Variants in IL4I1 observed in about 807,000 individuals in gnomAD.
IL4I1 encodes L-amino-acid oxidase.
In IL4I1, 24 loss-of-function variants were observed where a neutral mutation model predicts 29.7. That is an observed-to-expected ratio of 0.81 (90% confidence interval 0.59 to 1.14). The LOEUF (loss-of-function observed/expected upper bound fraction) is 1.14. IL4I1 is among the 50% of genes most tolerant of loss of function. The pLI, the probability that IL4I1 is intolerant of heterozygous loss-of-function variation, is 0.00. For synonymous variants in IL4I1, 371 were observed against 352.5 expected, an observed-to-expected ratio of 1.05 and a Z score of -0.59; for missense variants, 686 against 785.6, an observed-to-expected ratio of 0.87 and a Z score of 1.52.
chr19:49,922,082 A>C (rs1053536201), intron 2 of IL4I1, among the ~76,000 whole-genome samples: 3 of 152,162 alleles, frequency 2.0e-5, no homozygotes, highest in Non-Finnish European at 4.4e-5. Flanking sequence ...AGAAACGACC[A>C]AACACCCCTC....
At position 49,895,061 on chromosome 19, in the gene IL4I1, A is replaced by G. The variant is rs1434512770; in HGVS notation, c.365+7T>C. ...TAGGCACACAGGTGGGTGGGTTGCT[A>G]GGTCACCTGTGAGAGCTGGGCATGC... On this transcript the variant is annotated splice_region_variant and intron_variant, in intron 4 of 7. Transcript: ENST00000391826. 1 of 1,608,390 alleles carries G rather than the reference A, an allele frequency of 6.2e-7. No individual in the cohort carries two copies. The highest frequency in any genetic ancestry group is 2.2e-5 in the East Asian group (1 of 44,862).
chr19:49,926,630 C>T (rs893166496), intron 2 of IL4I1, among the ~76,000 whole-genome samples: 39 of 152,326 alleles, frequency 2.6e-4, no homozygotes, highest in Middle Eastern at 3.4e-3. Flanking sequence ...AGATAGGGCA[C>T]GTCTGTGCGT....
At chr19:49,912,166 CTTTTTTTTT>C (rs60350799) in intron 2 of IL4I1, among the ~76,000 whole-genome samples, 1 of 115,486 alleles carries the variant, frequency 8.7e-6, no homozygotes, top group African/African-American at 3.3e-5. Flanking sequence ...AACAGTTCAC[CTTTTTTTTT>C]TTTTTTTTTT....
At chr19:49,924,467 C>G (rs1320679278) in intron 2 of IL4I1, among the ~76,000 whole-genome samples, 1 of 152,178 alleles carries the variant, frequency 6.6e-6, no homozygotes, top group Non-Finnish European at 1.5e-5. Context: ...CCGTCCCCGT[C>G]AAACAGCCAG....
intron 2 of IL4I1, among the ~76,000 whole-genome samples, chr19:49,913,837 T>C (rs925493516): frequency 3.9e-5 from 6 of 152,050 alleles, no homozygotes; most frequent in South Asian, 2.1e-4. Flanking sequence ...ATACATACCA[T>C]GCTAACGGTT....
chr19:49,904,505 G>A (rs2075298474), intron 2 of IL4I1, among the ~76,000 whole-genome samples: 1 of 152,192 alleles, frequency 6.6e-6, no homozygotes, highest in Non-Finnish European at 1.5e-5. Flanking sequence ...GTTATTCAGA[G>A]TGGGGTGCTC....
At chr19:49,894,737 T>C (rs2075183056) in intron 4 of IL4I1, among the ~76,000 whole-genome samples, 1 of 129,674 alleles carries the variant, frequency 7.7e-6, no homozygotes, top group Non-Finnish European at 1.6e-5. Flanking sequence ...GAGTTTGGGT[T>C]GGACGGGGGT....
At chr19:49,919,120 T>G (rs2075702497) in intron 2 of IL4I1, among the ~76,000 whole-genome samples, 1 of 152,276 alleles carries the variant, frequency 6.6e-6, no homozygotes, top group East Asian at 1.9e-4. Context: ...ACCACTGCAC[T>G]CCAGCCTGGG....
At chr19:49,908,871 G>C (rs756113021) in intron 2 of IL4I1, 4 of 1,611,132 alleles carry the variant, frequency 2.5e-6, no homozygotes, top group Non-Finnish European at 3.4e-6. Context: ...GGGCCAGGTG[G>C]AGCGGTCACG....
At chr19:49,904,894 T>G (rs905143636) in intron 2 of IL4I1, among the ~76,000 whole-genome samples, 1 of 152,170 alleles carries the variant, frequency 6.6e-6, no homozygotes, top group African/African-American at 2.4e-5. Context: ...ATATTTTTAG[T>G]AGAGACAGGG....
chr19:49,890,566 G>T lies in IL4I1; in HGVS notation c.808C>A (p.Pro270Thr). The T allele has an allele frequency of 2.5e-6, 4 of 1,590,038 alleles. No individual in the cohort carries two copies. Among genetic ancestry groups the T allele is most frequent in the Non-Finnish European group, 2.6e-6 (3 of 1,171,484 alleles). ...GACAGCGAGCTCAGCAGCGCGCGCG[G>T]CAGCAGGTCCCAGCCACCCACGATG... ...SRIVGGWDLL[P>T]RALLSSLSGL... Residue 270 changes from proline to threonine, a missense_variant, in exon 8 of 8, where the codon CCG becomes ACG. Coordinates refer to ENST00000391826, the MANE Select transcript of IL4I1 (RefSeq NM_152899.2).
intron 2 of IL4I1, chr19:49,913,185 C>T (rs1047441016): frequency 6.6e-6 from 1 of 152,476 alleles, no homozygotes; most frequent in African/African-American, 2.4e-5. Context: ...GAGGCCCACA[C>T]AGCAGACATG....
intron 2 of IL4I1, chr19:49,908,108 T>C (rs972098514): frequency 6.6e-7 from 1 of 1,504,498 alleles, no homozygotes; most frequent in East Asian, 2.5e-5. Context: ...ACAGCGATCA[T>C]GTCAAGGGCA....
At chr19:49,894,564 GCT>G in intron 4 of IL4I1, 95 bp from the exon 5 acceptor site, 1 of 910,246 alleles carries the variant, frequency 1.1e-6, no homozygotes, top group Non-Finnish European at 1.7e-6. Context: ...GGGGAGAGTA[GCT>G]GGGGACCAGC....
chr19:49,892,974 G>A (rs1476754927), intron 5 of IL4I1, among the ~76,000 whole-genome samples: 2 of 152,134 alleles, frequency 1.3e-5, no homozygotes, highest in Non-Finnish European at 2.9e-5. Context: ...GTTCCTGTGT[G>A]GGGAAGGGAA....
rs736941 is a variant in IL4I1 at position 49,921,684 on chromosome 19, T to G, written c.-228+6010A>C. On this transcript the variant is annotated intron_variant, in intron 2 of 9. Transcript: ENST00000341114. This position sits in a 1 kb window ranked among gnomAD's most constrained non-coding sequence, Gnocchi z 5.4. ...TCCATGGGGGGTACCCCTCTGCCCA[T>G]TGAGGGGGCACCTAGGGAGCCTAGG... is the stretch of plus-strand genomic sequence containing the variant. Among the ~76,000 whole-genome samples, 2 of 152,046 alleles carry G rather than the reference T, an allele frequency of 1.3e-5. No individual in the cohort carries two copies. The highest frequency in any genetic ancestry group is 2.9e-5 in the Non-Finnish European group (2 of 67,982).
upstream of IL4I1, among the ~76,000 whole-genome samples, chr19:49,901,302 C>T (rs763925988): frequency 3.3e-5 from 5 of 152,120 alleles, no homozygotes; most frequent in East Asian, 3.9e-4. Context: ...GAGAATCGCT[C>T]GAGCCTGGGA....
At chr19:49,909,019 T>C in intron 2 of IL4I1, 1 of 1,612,808 alleles carries the variant, frequency 6.2e-7, no homozygotes, top group Non-Finnish European at 8.5e-7. Flanking sequence ...TGCCGGAAGC[T>C]GCTCCAGGTG....
At chr19:49,920,853 A>T (rs191104776) in intron 2 of IL4I1, among the ~76,000 whole-genome samples, 2 of 152,260 alleles carry the variant, frequency 1.3e-5, no homozygotes, top group East Asian at 3.9e-4. Flanking sequence ...GGAACGGCGC[A>T]CACCTGTGCC....
Sources: gnomAD v4.1 joint callset for allele counts (sites outside exome capture counted in the v4.1 genomes callset) on GRCh38, gnomAD v4.1.1 for gene constraint, Gnocchi (gnomAD v3.1) non-coding constraint, MANE v1.5 for transcripts, NCBI Gene and HGNC (gene_info 2026-07-23, HGNC 2026-07-21) for gene names.